Variants in STS observed in about 807,000 individuals in gnomAD.
The protein encoded by STS is steroid sulfatase, also known as steryl-sulfatase.
STS carries 7 observed loss-of-function variants against 26.8 expected under a neutral mutation model. The ratio of observed to expected loss-of-function variants is 0.26; its 90% CI spans 0.15 to 0.49. The LOEUF is 0.49. Ranked by LOEUF, STS falls within the 20% of genes least tolerant of loss-of-function variation. STS has a pLI of 0.98. For synonymous variants in STS, 199 were observed against 189.4 expected (o/e 1.05, Z -0.42); for missense variants, 434 against 465.6 (o/e 0.93, Z 0.63).
intron 8 of STS, among the ~76,000 whole-genome samples, chrX:7,323,379 C>T (rs147911209): frequency 1.8e-5 from 2 of 111,016 alleles, no homozygotes; most frequent in African/African-American, 6.6e-5. Flanking sequence ...CCTCCTCCCT[C>T]TTTCCCCCCT....
At chrX:7,328,241 C>T (rs2147170353) in intron 9 of STS, among the ~76,000 whole-genome samples, 1 of 111,999 alleles carries the variant, frequency 8.9e-6, no homozygotes, top group East Asian at 2.8e-4. Context: ...CTGCTCTTCA[C>T]TTTCATAATA....
chrX:7,313,892 T>G (rs1257038497), intron 8 of STS, among the ~76,000 whole-genome samples: 3 of 111,897 alleles, frequency 2.7e-5, no homozygotes, highest in Non-Finnish European at 5.6e-5. Flanking sequence ...TGTTAAAGAA[T>G]GGTAAAGGCA....
At position 7,279,279 on chromosome X, in the gene STS, G is replaced by GAAA. The variant is rs1224859237; in HGVS notation, c.943+3204_943+3206dup. On this transcript the variant is annotated intron_variant, in intron 7 of 10. Coordinates refer to ENST00000674429, the MANE Select transcript of STS (RefSeq NM_001320752.2). ...AGATCGCACCACTGTACTCCAGGAAGAAAAAAAAAAAAAATATATATATAT... is the reference window on the plus strand; with the variant it reads ...AGATCGCACCACTGTACTCCAGGAAGAAAAAAAAAAAAAAAAATATATATATAT... Among the ~76,000 whole-genome samples the GAAA allele has an allele frequency of 2.0e-3, 96 of 47,178 alleles. 1 individual carries two copies. The highest frequency in any genetic ancestry group is 0.01 in the South Asian group (10 of 992). 41.0% of individuals were successfully genotyped at this position (47,178 alleles called of 115,157 possible).
chrX:7,334,266 C>T (rs953147875), intron 10 of STS, among the ~76,000 whole-genome samples, 159 bp downstream of exon 10: 6 of 111,329 alleles, frequency 5.4e-5, no homozygotes, highest in Admixed American at 9.5e-5. Context: ...CCCTCCTCCT[C>T]CTCTCTTTTC....
intron 8 of STS, among the ~76,000 whole-genome samples, chrX:7,310,557 T>C (rs1210526994): frequency 8.9e-6 from 1 of 111,785 alleles, no homozygotes; most frequent in Non-Finnish European, 1.9e-5. Flanking sequence ...AAGGAGCAAG[T>C]GGCCCCACCC....
intron 8 of STS, 69 bp from the exon 9 acceptor site, chrX:7,325,270 T>G: frequency 2.7e-6 from 3 of 1,108,018 alleles, no homozygotes; most frequent in Admixed American, 2.3e-5. Context: ...CACGAAAGAG[T>G]CCATTGAAGT....
At chrX:7,158,127 C>T (rs1933171668) in intron 1 of STS, among the ~76,000 whole-genome samples, 1 of 111,277 alleles carries the variant, frequency 9.0e-6, no homozygotes, top group African/African-American at 3.3e-5. Flanking sequence ...CTCTTAGCCT[C>T]AGTCCAATGT....
chrX:7,342,631 A>G (rs1419633748), intron 10 of STS, among the ~76,000 whole-genome samples: 3 of 112,358 alleles, frequency 2.7e-5, no homozygotes, highest in African/African-American at 9.7e-5. Flanking sequence ...TGCCAGCTGC[A>G]GGAAGCAGGC....
chrX:7,148,198 T>G, intron 1 of STS, 115 bp downstream of exon 1: 2 of 604,303 alleles, frequency 3.3e-6, no homozygotes, highest in Non-Finnish European at 2.4e-6. Flanking sequence ...GAGGACCTTC[T>G]CGCGCGCCCG....
intron 2 of STS, among the ~76,000 whole-genome samples, chrX:7,238,419 T>C (rs1290815214): frequency 9.0e-6 from 1 of 110,673 alleles, no homozygotes; most frequent in Non-Finnish European, 1.9e-5. Context: ...TGTCCAAATG[T>C]TGACAGCTAG....
chrX:7,323,636 G>A (rs1450596569), intron 8 of STS, among the ~76,000 whole-genome samples: 1 of 111,665 alleles, frequency 9.0e-6, no homozygotes, highest in Non-Finnish European at 1.9e-5. Flanking sequence ...ATGGGCACCT[G>A]GATTAATTTC....
intron 6 of STS, among the ~76,000 whole-genome samples, chrX:7,262,706 A>G (rs1434679684): frequency 9.8e-5 from 11 of 111,801 alleles, no homozygotes; most frequent in African/African-American, 3.6e-4. Context: ...ACAGCTGGAG[A>G]GAAAGGGCAG....
At chrX:7,289,356 G>C (rs1408609903) in intron 7 of STS, among the ~76,000 whole-genome samples, 6 of 111,534 alleles carry the variant, frequency 5.4e-5, no homozygotes, top group African/African-American at 2.0e-4. Context: ...GGGGAGGGTG[G>C]GATGGTTTGG....
rs146117456 is a variant in STS, at chrX:7,259,771, C to A, written c.805C>A (p.Arg269=). 1.7e-6 allele frequency: 2 copies of A among 1,209,702 alleles called. No homozygotes were observed. Among genetic ancestry groups the A allele is most frequent in the African/African-American group, 3.5e-5 (2 of 57,814 alleles). Residue 269 remains arginine, a splice_region_variant and synonymous_variant, in exon 6 of 11, where the codon CGG becomes AGG. Transcript: ENST00000674429. ...GGTGGAGGCGGCCCAGTTCATACAG[C>A]GGTGGGTATTGCCTTGTCCTCTGAT... ...LTVEAAQFIQ[R]NTETPFLLVL...
intron 9 of STS, among the ~76,000 whole-genome samples, chrX:7,326,083 A>G (rs905353417): frequency 9.0e-6 from 1 of 111,069 alleles, no homozygotes; most frequent in Non-Finnish European, 1.9e-5. Flanking sequence ...GAGGGATTCT[A>G]GTTTCTCTGG....
intron 2 of STS, among the ~76,000 whole-genome samples, chrX:7,252,675 G>T (rs1443250178): frequency 8.9e-6 from 1 of 112,078 alleles, no homozygotes; most frequent in Non-Finnish European, 1.9e-5. Context: ...CCTCCCCAAA[G>T]ATTCCATCAC....
intron 7 of STS, among the ~76,000 whole-genome samples, chrX:7,302,720 G>T (rs902214110): frequency 2.7e-5 from 3 of 112,128 alleles, no homozygotes; most frequent in African/African-American, 6.5e-5. Context: ...ATCTCACTCT[G>T]CAGTCCTTCT....
intron 8 of STS, among the ~76,000 whole-genome samples, chrX:7,307,830 A>G (rs1296136354): frequency 8.9e-6 from 1 of 112,243 alleles, no homozygotes. Context: ...CCTAGGTGCC[A>G]GCAGATGGCA....
intron 2 of STS, among the ~76,000 whole-genome samples, chrX:7,223,010 C>A (rs1383549032): frequency 8.9e-6 from 1 of 111,815 alleles, no homozygotes; most frequent in Non-Finnish European, 1.9e-5. Flanking sequence ...CAGTATTTGA[C>A]TTTCTGAGTT....
Sources: gnomAD v4.1 joint callset for allele counts (sites outside exome capture counted in the v4.1 genomes callset) on GRCh38, gnomAD v4.1.1 for gene constraint, MANE v1.5 for transcripts, NCBI Gene and HGNC (gene_info 2026-07-23, HGNC 2026-07-21) for gene names.